Variants in NEDD4L observed in about 807,000 individuals in gnomAD.
NEDD4L encodes E3 ubiquitin-protein ligase NEDD4-like.
NEDD4L carries 54 observed loss-of-function variants against 148.9 expected under a neutral mutation model. The observed-to-expected ratio is 0.36, with a 90% CI of 0.29 to 0.45. The LOEUF (loss-of-function observed/expected upper bound fraction) is 0.45, where lower values mean the gene tolerates loss of function less well. NEDD4L is among the 20% of genes least tolerant of loss of function. The probability of loss-of-function intolerance (pLI) is 1.00; values close to 1 mark genes in which losing one functional copy is unlikely to be tolerated. For synonymous variants in NEDD4L, 433 were observed against 440.7 expected (o/e 0.98, Z 0.22); for missense variants, 856 against 1,233.8 (o/e 0.69, Z 4.59).
At chr18:58,180,805 A>G (rs1327839807) in intron 2 of NEDD4L, among the ~76,000 whole-genome samples, 1 of 152,186 alleles carries the variant, frequency 6.6e-6, no homozygotes, top group African/African-American at 2.4e-5. Context: ...GTTTAAGGAA[A>G]GCCTCCTGCA....
intron 2 of NEDD4L, among the ~76,000 whole-genome samples, chr18:58,228,204 C>A (rs2044606432): frequency 6.6e-6 from 1 of 152,178 alleles, no homozygotes; most frequent in Non-Finnish European, 1.5e-5. Flanking sequence ...AAGGCATGGC[C>A]CTGTTCGCAA....
chr18:58,053,225 T>C (rs562411323), intron 1 of NEDD4L, among the ~76,000 whole-genome samples: 2 of 152,322 alleles, frequency 1.3e-5, no homozygotes, highest in African/African-American at 4.8e-5. Context: ...GCAGAGACCG[T>C]GTTCCCTGTT....
chr18:58,112,920 TAGAG>T (rs890019047), intron 1 of NEDD4L, among the ~76,000 whole-genome samples: 5 of 152,186 alleles, frequency 3.3e-5, no homozygotes, highest in African/African-American at 9.6e-5. Flanking sequence ...GTCCTGAGGG[TAGAG>T]CCCTCATGAA....
intron 25 of NEDD4L, 85 bp from the exon 26 acceptor site, chr18:58,385,441 A>AGGAGAAGCACTCCCTGTTGC: frequency 9.3e-7 from 1 of 1,071,616 alleles, no homozygotes; most frequent in East Asian, 2.4e-5. Flanking sequence ...TCGTGGATGG[A>AGGAGAAGCACTCCCTGTTGC]GGAGAAGCAC....
chr18:58,149,861 G>A (rs983397367), intron 1 of NEDD4L, among the ~76,000 whole-genome samples: 2 of 152,186 alleles, frequency 1.3e-5, no homozygotes, highest in African/African-American at 4.8e-5. Flanking sequence ...CACCGTGACA[G>A]TTGTGAATTT....
intron 5 of NEDD4L, among the ~76,000 whole-genome samples, chr18:58,266,518 A>G (rs1294762156): frequency 1.3e-5 from 2 of 152,118 alleles, no homozygotes; most frequent in Non-Finnish European, 2.9e-5. Flanking sequence ...AGAAAGTTCT[A>G]GTAAATACTG....
chr18:58,072,834 A>T (rs1259610984), intron 1 of NEDD4L, among the ~76,000 whole-genome samples: 2 of 151,630 alleles, frequency 1.3e-5, no homozygotes, highest in East Asian at 3.9e-4. Flanking sequence ...AGTTGACATG[A>T]TCTTGTATAT....
intron 27 of NEDD4L, chr18:58,387,774 A>G (rs2049240062): frequency 3.2e-6 from 1 of 311,272 alleles, no homozygotes; most frequent in Admixed American, 5.0e-5. Flanking sequence ...CATGCCTAGT[A>G]AGTAGAGGCC....
chr18:58,387,936 C>A (rs1326668349), intron 27 of NEDD4L: 1 of 154,216 alleles, frequency 6.5e-6, no homozygotes, highest in Non-Finnish European at 1.4e-5. Flanking sequence ...CCCATCCACC[C>A]CCACCGTGGC....
rs1173852015 is a variant in NEDD4L at position 58,318,974 on chromosome 18, T to C, written c.348+2942T>C. On this transcript the variant is annotated intron_variant, in intron 6 of 30. Coordinates refer to ENST00000400345, the MANE Select transcript of NEDD4L (RefSeq NM_001144967.3). ...GCTGACTCTGGAATTTAAATTTTCC[T>C]AGATGAGGCATTTTCAGGGTGGTGG... 2.6e-5 allele frequency among the ~76,000 whole-genome samples: 4 copies of C among 152,238 alleles called. No individual in the cohort carries two copies. The East Asian group carries it at 7.7e-4, about 29-fold the overall frequency.
intron 2 of NEDD4L, among the ~76,000 whole-genome samples, chr18:58,220,650 C>T (rs530554994): frequency 6.6e-6 from 1 of 152,318 alleles, no homozygotes; most frequent in South Asian, 2.1e-4. Flanking sequence ...GAGCATGCCA[C>T]CACATTTGAG....
At chr18:58,067,245 C>G (rs914658289) in intron 1 of NEDD4L, among the ~76,000 whole-genome samples, 1 of 152,118 alleles carries the variant, frequency 6.6e-6, no homozygotes, top group Non-Finnish European at 1.5e-5. Context: ...TTAAACAAGA[C>G]TGGATAAAAG....
chr18:58,168,378 G>A lies in NEDD4L; in HGVS notation c.122+2517G>A, dbSNP rs72945157. ...TTATTGCCTTAAAATTTTGCCAGAT[G>A]ACCTGCATTCTCCCTCCATGCTATC... On this transcript the variant is annotated intron_variant, in intron 2 of 30. Transcript: ENST00000400345. Among the ~76,000 whole-genome samples, 420 of 152,322 alleles carry A rather than the reference G, an allele frequency of 2.8e-3. 3 individuals are homozygous for A. Among genetic ancestry groups the A allele is most frequent in the South Asian group, 7.7e-3 (37 of 4,828 alleles).
At chr18:58,074,634 A>T (rs1426460354) in intron 1 of NEDD4L, among the ~76,000 whole-genome samples, 2 of 151,998 alleles carry the variant, frequency 1.3e-5, no homozygotes, top group Non-Finnish European at 2.9e-5. Context: ...GATCTTGGGT[A>T]ATTTGAGGGT....
At chr18:58,067,535 C>T (rs1398590208) in intron 1 of NEDD4L, among the ~76,000 whole-genome samples, 1 of 152,058 alleles carries the variant, frequency 6.6e-6, no homozygotes, top group Non-Finnish European at 1.5e-5. Flanking sequence ...GGGGGGCCTG[C>T]GAGGACACAC....
chr18:58,278,100 TAAA>T (rs565011761), intron 5 of NEDD4L, among the ~76,000 whole-genome samples: 1 of 148,770 alleles, frequency 6.7e-6, no homozygotes, highest in Non-Finnish European at 1.5e-5. Context: ...TTTTTACAAT[TAAA>T]AAAAAAAATT....
chr18:58,262,102 A>G (rs1202128012), intron 5 of NEDD4L, among the ~76,000 whole-genome samples: 2 of 152,218 alleles, frequency 1.3e-5, no homozygotes, highest in African/African-American at 2.4e-5. Context: ...CATGTCCTGC[A>G]CAAAGGAGAG....
rs1351247518 is a variant in NEDD4L at position 58,262,619 on chromosome 18, ACT to A, written c.297+10568_297+10569del. On this transcript the variant is annotated intron_variant, in intron 5 of 30. Transcript: ENST00000400345. ...ACTCCAGCCTGGGCGACAGAGTGAA[ACT>A]CTGTCTCAGGAAAAAAAAAAAAAAA... Among the ~76,000 whole-genome samples the A allele has an allele frequency of 5.7e-5, 8 of 140,452 alleles. No individual in the cohort carries two copies. In the East Asian group the frequency reaches 1.6e-3, roughly 28 times the overall value. 92.1% of individuals were successfully genotyped at this position (140,452 alleles called of 152,430 possible).
chr18:58,293,364 G>C (rs2055055892), intron 5 of NEDD4L, among the ~76,000 whole-genome samples: 1 of 152,154 alleles, frequency 6.6e-6, no homozygotes, highest in Admixed American at 6.5e-5. Flanking sequence ...CAGTCTAGCT[G>C]GTTTTTAATT....
Sources: allele counts gnomAD v4.1 joint callset (sites outside exome capture counted in the v4.1 genomes callset), GRCh38; gene constraint gnomAD v4.1.1; transcripts MANE v1.5; gene names NCBI Gene and HGNC (gene_info 2026-07-23, HGNC 2026-07-21).